SLC35F4: variants seen among roughly 807,000 people sequenced by gnomAD.
SLC35F4 encodes the protein solute carrier family 35 member F4.
In SLC35F4, 24 loss-of-function variants were observed where a neutral mutation model predicts 44.2. That is an observed-to-expected ratio of 0.54 (90% CI 0.39 to 0.76). SLC35F4 has a LOEUF of 0.76. Ranked by LOEUF, SLC35F4 falls within the 30% of genes least tolerant of loss-of-function variation. The pLI is 0.00. For synonymous variants in SLC35F4, 238 were observed against 223.6 expected (o/e 1.06, Z -0.57); for missense variants, 562 against 586.1 (o/e 0.96, Z 0.42).
intron 1 of SLC35F4, among the ~76,000 whole-genome samples, chr14:57,617,564 C>G (rs2071917080): frequency 6.6e-6 from 1 of 152,170 alleles, no homozygotes; most frequent in Admixed American, 6.5e-5. Flanking sequence ...GTGCTAGGCA[C>G]TATCTTAGGT....
chr14:57,728,203 T>A (rs1050373851), intron 1 of SLC35F4, among the ~76,000 whole-genome samples: 1 of 152,166 alleles, frequency 6.6e-6, no homozygotes, highest in African/African-American at 2.4e-5. Context: ...GTATAACTAC[T>A]CCTGCTCTTT....
At chr14:57,710,663 G>C (rs562597496) in intron 1 of SLC35F4, among the ~76,000 whole-genome samples, 2 of 152,292 alleles carry the variant, frequency 1.3e-5, no homozygotes, top group East Asian at 3.9e-4. Flanking sequence ...TCTTGCACCA[G>C]TATGACCTGG....
At chr14:57,669,314 C>T (rs1051693579) in intron 1 of SLC35F4, among the ~76,000 whole-genome samples, 9 of 151,910 alleles carry the variant, frequency 5.9e-5, no homozygotes, top group Non-Finnish European at 1.0e-4. Context: ...TAATTGAATA[C>T]CCTTTATTTC....
intron 1 of SLC35F4, among the ~76,000 whole-genome samples, chr14:57,815,704 A>G (rs1038877156): frequency 5.3e-5 from 8 of 152,030 alleles, no homozygotes; most frequent in Non-Finnish European, 8.8e-5. Context: ...CCCACACATT[A>G]TTCCCTTTTA....
chr14:57,642,484 AT>A (rs889302577), intron 1 of SLC35F4, among the ~76,000 whole-genome samples: 1 of 151,640 alleles, frequency 6.6e-6, no homozygotes, highest in African/African-American at 2.4e-5. Flanking sequence ...ATTTACTTTT[AT>A]TTTTGTGATG....
chr14:57,953,848 G>A (rs1371812863), intron 1 of SLC35F4, among the ~76,000 whole-genome samples: 1 of 152,104 alleles, frequency 6.6e-6, no homozygotes, highest in African/African-American at 2.4e-5. Context: ...ACACCCCACT[G>A]TCAATATTAG....
chr14:57,873,277 C>A (rs55782241), intron 1 of SLC35F4, among the ~76,000 whole-genome samples: 10,851 of 152,092 alleles, frequency 0.071, 506 homozygotes, highest in African/African-American at 0.13. Context: ...GTGAAAAAAA[C>A]AAAGTCCTCT....
At chr14:57,864,147 C>T (rs1322194726) in intron 1 of SLC35F4, among the ~76,000 whole-genome samples, 1 of 152,186 alleles carries the variant, frequency 6.6e-6, no homozygotes, top group Non-Finnish European at 1.5e-5. Context: ...ACAGCTTCTA[C>T]ATTCTCTAAG....
chr14:57,624,124 ACT>A (rs1318259526), intron 1 of SLC35F4, among the ~76,000 whole-genome samples: 3 of 152,222 alleles, frequency 2.0e-5, no homozygotes, highest in Non-Finnish European at 4.4e-5. Context: ...GGATATCACC[ACT>A]GATTCCACAG....
intron 1 of SLC35F4, among the ~76,000 whole-genome samples, chr14:57,969,002 T>C (rs1880972443): frequency 6.6e-6 from 1 of 152,226 alleles, no homozygotes; most frequent in Non-Finnish European, 1.5e-5. Flanking sequence ...AATCTGGACT[T>C]GAACTTTATA....
At chr14:57,702,441 C>T (rs2075567695) in intron 1 of SLC35F4, among the ~76,000 whole-genome samples, 1 of 151,510 alleles carries the variant, frequency 6.6e-6, no homozygotes, top group Admixed American at 6.6e-5. Flanking sequence ...TATTCTGTTA[C>T]AGTTGTGACT....
chr14:57,688,127 T>C (rs1827394530), intron 1 of SLC35F4, among the ~76,000 whole-genome samples: 1 of 151,744 alleles, frequency 6.6e-6, no homozygotes, highest in Non-Finnish European at 1.5e-5. Context: ...TTTCAAAAAT[T>C]GACCAGGAAT....
At chr14:57,852,359 T>C (rs1200479667) in intron 1 of SLC35F4, among the ~76,000 whole-genome samples, 3 of 152,058 alleles carry the variant, frequency 2.0e-5, no homozygotes, top group Non-Finnish European at 4.4e-5. Context: ...CAAAACATAA[T>C]AAGGTCATGA....
chr14:57,634,700 G>A (rs1158482134), intron 1 of SLC35F4, among the ~76,000 whole-genome samples: 2 of 152,090 alleles, frequency 1.3e-5, no homozygotes, highest in South Asian at 2.1e-4. Flanking sequence ...CAAAGCTATT[G>A]CATGGTTTTA....
intron 1 of SLC35F4, among the ~76,000 whole-genome samples, chr14:57,667,603 T>C (rs918566689): frequency 2.0e-5 from 3 of 151,502 alleles, no homozygotes; most frequent in Non-Finnish European, 2.9e-5. Flanking sequence ...TTTGTCCTTG[T>C]GATAGTTTGC....
chr14:57,892,923 T>TA (rs35805937), intron 1 of SLC35F4, among the ~76,000 whole-genome samples: 1 of 152,190 alleles, frequency 6.6e-6, no homozygotes, highest in Non-Finnish European at 1.5e-5. Flanking sequence ...ATTTGACTTG[T>TA]AAAAAAAGAA....
At chr14:57,591,230 T>A (rs2070157942) in intron 2 of SLC35F4, among the ~76,000 whole-genome samples, 1 of 152,068 alleles carries the variant, frequency 6.6e-6, no homozygotes, top group Non-Finnish European at 1.5e-5. Context: ...AGAAACACAC[T>A]CAACACAGTG....
intron 1 of SLC35F4, among the ~76,000 whole-genome samples, chr14:57,841,967 T>C (rs972237711): frequency 6.6e-6 from 1 of 152,210 alleles, no homozygotes; most frequent in African/African-American, 2.4e-5. Flanking sequence ...TCACATCAGA[T>C]GTTTGCAGTA....
chr14:57,754,052 C>G (rs907971088), intron 1 of SLC35F4, among the ~76,000 whole-genome samples: 1 of 150,510 alleles, frequency 6.6e-6, no homozygotes, highest in Non-Finnish European at 1.5e-5. Flanking sequence ...CTCCTCTAAA[C>G]ATCCTCTACA....
Sources: allele counts gnomAD v4.1 joint callset (sites outside exome capture counted in the v4.1 genomes callset), GRCh38; gene constraint gnomAD v4.1.1; transcripts MANE v1.5; gene names NCBI Gene and HGNC (gene_info 2026-07-23, HGNC 2026-07-21).